The following MYLK3 variants were observed in gnomAD, a reference collection of about 807,000 sequenced individuals.
The protein encoded by MYLK3 is MLC kinase.
In MYLK3, 55 loss-of-function variants were observed where a neutral mutation model predicts 76.3. The ratio of observed to expected loss-of-function variants is 0.72; its 90% CI spans 0.58 to 0.90. MYLK3 has a LOEUF of 0.90. Among genes scored for constraint, MYLK3 ranks in the 40% least tolerant of loss-of-function variants. The pLI, the probability that MYLK3 is intolerant of heterozygous loss-of-function variation, is 0.00. For missense variants in MYLK3, 973 were observed against 1,053.6 expected (o/e 0.92, Z 1.06); for synonymous variants, 416 against 425.4 (o/e 0.98, Z 0.27).
chr16:46,729,486 G>T, intron 6 of MYLK3, 108 bp downstream of exon 6: 1 of 1,032,698 alleles, frequency 9.7e-7, no homozygotes, highest in Non-Finnish European at 1.5e-6. Context: ...CTGGAAAAGA[G>T]CAGGAATAAG....
At chr16:46,745,774 G>A (rs1312667471) in intron 1 of MYLK3, among the ~76,000 whole-genome samples, 1 of 151,966 alleles carries the variant, frequency 6.6e-6, no homozygotes, top group East Asian at 1.9e-4. Context: ...AGCAGTTCTG[G>A]TGCTACAGAT....
intron 9 of MYLK3, among the ~76,000 whole-genome samples, chr16:46,718,179 G>A (rs1279509108): frequency 2.6e-5 from 4 of 152,152 alleles, no homozygotes; most frequent in Non-Finnish European, 5.9e-5. Context: ...GTCAAAAAGG[G>A]CTCACTACAG....
At chr16:46,714,163 T>C (rs111624756) in intron 9 of MYLK3, among the ~76,000 whole-genome samples, 1 of 152,234 alleles carries the variant, frequency 6.6e-6, no homozygotes, top group Non-Finnish European at 1.5e-5. Flanking sequence ...TAAAATTTCA[T>C]GGGCACTTTA....
At chr16:46,731,948 G>A (rs1966853307) in intron 4 of MYLK3, among the ~76,000 whole-genome samples, 3 of 151,996 alleles carry the variant, frequency 2.0e-5, no homozygotes, top group African/African-American at 2.4e-5. Context: ...GCAAGACCCT[G>A]TCTCCAAAAA....
At position 46,730,598 on chromosome 16, in the gene MYLK3, C is replaced by G; in HGVS notation, c.1563G>C (p.Leu521Phe). Residue 521 changes from leucine to phenylalanine, a missense_variant, in exon 5 of 13, where the codon TTG becomes TTC. Leu to Phe is a conservative substitution (Grantham distance 22, BLOSUM62 0). Around this residue, in one of 2 missense-constraint regions of MYLK3, gnomAD observed 332 missense variants for 416.6 expected, o/e 0.80. Transcript: ENST00000394809. Reference protein sequence around the residue: ...AGYEVCQHEVLGGGRFGQVHR... With the variant: ...AGYEVCQHEVFGGGRFGQVHR... Reference sequence around the variant, plus strand: ...CAAGGCAGATGCCCACCTACCCTCCCAAGACTTCGTGCTGGCACACCTCGT... The same window carrying G: ...CAAGGCAGATGCCCACCTACCCTCCGAAGACTTCGTGCTGGCACACCTCGT... 6.2e-7 allele frequency: 1 copy of G among 1,614,006 alleles called. No homozygotes were observed. The highest frequency in any genetic ancestry group is 1.1e-5 in the South Asian group (1 of 91,084).
upstream of MYLK3, among the ~76,000 whole-genome samples, chr16:46,753,155 C>T (rs1274207735): frequency 1.3e-5 from 2 of 152,176 alleles, no homozygotes; most frequent in African/African-American, 4.8e-5. Flanking sequence ...CAGGCGAATA[C>T]AAAAGCTGGC....
At chr16:46,740,609 T>C (rs1252177908) in intron 1 of MYLK3, among the ~76,000 whole-genome samples, 1 of 148,076 alleles carries the variant, frequency 6.8e-6, no homozygotes, top group Non-Finnish European at 1.5e-5. Context: ...TGCAGTGCAG[T>C]GGCACAATCT....
intron 10 of MYLK3, chr16:46,711,084 A>G: frequency 5.0e-6 from 2 of 401,900 alleles, no homozygotes; most frequent in Non-Finnish European, 9.2e-6. Context: ...CCAACTTGGT[A>G]TGCCCAGTTA....
At chr16:46,746,148 T>G (rs957718992) in intron 1 of MYLK3, among the ~76,000 whole-genome samples, 1 of 152,152 alleles carries the variant, frequency 6.6e-6, no homozygotes, top group African/African-American at 2.4e-5. Context: ...GTCATGGTAT[T>G]TGCATGTAAC....
At chr16:46,743,588 G>A (rs1322683311) in intron 1 of MYLK3, among the ~76,000 whole-genome samples, 1 of 152,100 alleles carries the variant, frequency 6.6e-6, no homozygotes, top group Non-Finnish European at 1.5e-5. Context: ...TAAACGCCAG[G>A]ACCAGAGGAG....
upstream of MYLK3, among the ~76,000 whole-genome samples, chr16:46,750,530 C>A (rs762922435): frequency 6.6e-6 from 1 of 152,150 alleles, no homozygotes; most frequent in Admixed American, 6.5e-5. Context: ...ACCGTCTCTA[C>A]TGAAAATACA....
At position 46,748,020 on chromosome 16, in the gene MYLK3, G is replaced by T; in HGVS notation, c.174C>A (p.Gly58=). Residue 58 remains glycine, a synonymous_variant, in exon 1 of 13, where the codon GGC becomes GGA. Coordinates refer to ENST00000394809, the MANE Select transcript of MYLK3 (RefSeq NM_182493.3). The surrounding 1 kb of genome is among the most constrained non-coding windows in gnomAD (Gnocchi z 4.3). ...EKLQSMCRDM[G]HLERGLHRLE... is the part of the protein sequence containing the mutation. ...GCCTGTGCAGGCCCCGCTCCAGGTG[G>T]CCCATGTCTCGGCACATGCTCTGCA... 1.2e-6 allele frequency: 2 copies of T among 1,613,932 alleles called. No homozygotes were observed. Among genetic ancestry groups the T allele is most frequent in the Non-Finnish European group, 1.7e-6 (2 of 1,180,032 alleles).
intron 5 of MYLK3, 144 bp from the exon 6 acceptor site, chr16:46,729,831 C>T: frequency 2.9e-6 from 2 of 687,554 alleles, no homozygotes; most frequent in Non-Finnish European, 2.5e-6. Context: ...CACCCCAAAA[C>T]CCTGCTGGCT....
intron 1 of MYLK3, among the ~76,000 whole-genome samples, chr16:46,757,089 T>C (rs1967210233): frequency 6.6e-6 from 1 of 152,078 alleles, no homozygotes; most frequent in South Asian, 2.1e-4. Context: ...ACTGAGGAAG[T>C]ACACACATCT....
intron 8 of MYLK3, among the ~76,000 whole-genome samples, chr16:46,722,796 G>A (rs1420441059): frequency 2.0e-5 from 3 of 152,110 alleles, no homozygotes; most frequent in Admixed American, 6.5e-5. Flanking sequence ...TGCAACCTCC[G>A]CCTCCCAGGT....
At chr16:46,760,026 C>G (rs1967256034) in intron 1 of MYLK3, among the ~76,000 whole-genome samples, 1 of 152,246 alleles carries the variant, frequency 6.6e-6, no homozygotes, top group Admixed American at 6.5e-5. Context: ...GCTGCCAATT[C>G]AGAAGACTCA....
Position 46,737,210 on chromosome 16 carries a change from G to A in MYLK3, c.1001+501C>T, listed in dbSNP as rs992962363. ...TGAATTCCTAGCTGTGGGGCCCTGG[G>A]CACTGGGAGCCTAAGTATTCTCATC... On this transcript the variant is annotated intron_variant, in intron 3 of 12. Transcript: ENST00000394809. Among the ~76,000 whole-genome samples, 4 of 152,222 alleles carry A rather than the reference G, an allele frequency of 2.6e-5. No individual in the cohort carries two copies. In the East Asian group the frequency reaches 7.7e-4, roughly 29 times the overall value.
upstream of MYLK3, among the ~76,000 whole-genome samples, chr16:46,751,044 A>G (rs1044655122): frequency 6.6e-6 from 1 of 152,134 alleles, no homozygotes; most frequent in African/African-American, 2.4e-5. Flanking sequence ...ATAAAGCCAG[A>G]AAGATAACTT....
At position 46,709,602 on chromosome 16, in the gene MYLK3, T is replaced by C. The variant is rs372423023; in HGVS notation, c.2337A>G (p.Arg779=). Residue 779 remains arginine, a synonymous_variant, in exon 12 of 13, where the codon AGA becomes AGG. Transcript: ENST00000394809. ...WLNNLPAKAS[R]SKTRLKSQLL... ...GTTGGGATTTGAGACGAGTTTTGGA[T>C]CTTGAAGCTTTGGCAGGCAAATTAT... The C allele has an allele frequency of 5.0e-6, 8 of 1,614,076 alleles. No homozygotes were observed. The African/African-American group carries it at 1.1e-4, about 22-fold the overall frequency.
Sources: allele counts gnomAD v4.1 joint callset (sites outside exome capture counted in the v4.1 genomes callset), GRCh38; gene constraint gnomAD v4.1.1; regional missense constraint gnomAD v4.1.1; non-coding constraint Gnocchi (gnomAD v3.1); transcripts MANE v1.5; gene names NCBI Gene and HGNC (gene_info 2026-07-23, HGNC 2026-07-21).